GADL1: variants seen among roughly 807,000 people sequenced by gnomAD.
The protein encoded by GADL1 is acidic amino acid decarboxylase GADL1.
Under a neutral mutation model 69.5 loss-of-function variants are expected in GADL1, and 71 were observed. That is an observed-to-expected ratio of 1.02 (90% CI 0.84 to 1.25). GADL1 has a LOEUF of 1.25. Among genes scored for constraint, GADL1 ranks in the 50% most tolerant of loss-of-function variants. GADL1 has a pLI of 0.00. For synonymous variants in GADL1, 254 were observed against 214.4 expected, an observed-to-expected ratio of 1.18 and a Z score of -1.62; for missense variants, 737 against 631.8, an observed-to-expected ratio of 1.17 and a Z score of -1.79.
chr3:30,785,859 T>C (rs988989075), intron 13 of GADL1, among the ~76,000 whole-genome samples: 12 of 152,196 alleles, frequency 7.9e-5, no homozygotes, highest in African/African-American at 2.9e-4. Context: ...TAGAAAAAAA[T>C]ATTCTCTACA....
At chr3:30,839,717 T>C (rs12637266) in intron 8 of GADL1, among the ~76,000 whole-genome samples, 37,256 of 151,988 alleles carry the variant, frequency 0.25, 5,388 homozygotes, top group African/African-American at 0.41. Flanking sequence ...TCCATTGGCA[T>C]GTGCTGGAAA....
intron 1 of GADL1, among the ~76,000 whole-genome samples, chr3:30,873,324 A>G (rs888408013): frequency 7.2e-5 from 11 of 151,982 alleles, no homozygotes; most frequent in Non-Finnish European, 1.6e-4. Context: ...TAACTGCCTT[A>G]TGATGAAGAT....
At chr3:30,771,111 G>GGA (rs1696410662) in intron 14 of GADL1, among the ~76,000 whole-genome samples, 1 of 152,176 alleles carries the variant, frequency 6.6e-6, no homozygotes, top group Admixed American at 6.5e-5. Context: ...TAAATCCAGT[G>GGA]GAGTATATTT....
rs143124259 is a variant in GADL1, at chr3:30,808,476, C to T, written c.1051-7388G>A. On this transcript the variant is annotated intron_variant, in intron 11 of 14. Transcript: ENST00000282538. ...CAGCGTTACTGCACGCTGGCCTGGG[C>T]GACAGAGCAGGACTCTATCTCAAAA... Among the ~76,000 whole-genome samples, 54 of 142,824 alleles carry T rather than the reference C, an allele frequency of 3.8e-4. No homozygotes were observed. In the East Asian group the frequency reaches 6.4e-3, roughly 17 times the overall value. The allele number at this position is 142,824 out of a possible 152,430, so 93.7% of individuals were successfully genotyped here.
intron 14 of GADL1, among the ~76,000 whole-genome samples, chr3:30,754,778 A>G (rs1191882126): frequency 6.6e-6 from 1 of 152,208 alleles, no homozygotes; most frequent in Non-Finnish European, 1.5e-5. Flanking sequence ...TGGCAAATGT[A>G]GAAGATGTAA....
At chr3:30,777,633 G>A (rs997864483) in intron 14 of GADL1, among the ~76,000 whole-genome samples, 4 of 152,138 alleles carry the variant, frequency 2.6e-5, no homozygotes, top group East Asian at 1.9e-4. Context: ...CTCCTCACAC[G>A]GTATCATCAG....
At chr3:30,775,379 G>C (rs1696513408) in intron 14 of GADL1, among the ~76,000 whole-genome samples, 1 of 152,198 alleles carries the variant, frequency 6.6e-6, no homozygotes, top group Non-Finnish European at 1.5e-5. Context: ...TTTCAAGTGT[G>C]CTTTAAGTAC....
intron 14 of GADL1, among the ~76,000 whole-genome samples, chr3:30,756,114 G>T (rs901058887): frequency 1.3e-5 from 2 of 152,180 alleles, no homozygotes; most frequent in Non-Finnish European, 2.9e-5. Flanking sequence ...CAGCAGAGAT[G>T]AAATGACTCG....
At chr3:30,764,980 G>A (rs963503580) in intron 14 of GADL1, among the ~76,000 whole-genome samples, 1 of 152,210 alleles carries the variant, frequency 6.6e-6, no homozygotes, top group African/African-American at 2.4e-5. Context: ...AGGACAGATT[G>A]CAGGAAAAGT....
chr3:30,813,370 CA>C (rs1172235059), intron 11 of GADL1, among the ~76,000 whole-genome samples: 1 of 103,356 alleles, frequency 9.7e-6, no homozygotes, highest in African/African-American at 8.7e-5. Context: ...TGCATCTCTC[CA>C]AAATAGGCAG....
chr3:30,735,764 G>A (rs6777452), intron 14 of GADL1, among the ~76,000 whole-genome samples: 15,371 of 152,020 alleles, frequency 0.1, 876 homozygotes, highest in East Asian at 0.23. Flanking sequence ...TGCACTCTTG[G>A]GTGCAAAGGA....
At chr3:30,759,525 G>A (rs1696068588) in intron 14 of GADL1, among the ~76,000 whole-genome samples, 1 of 152,172 alleles carries the variant, frequency 6.6e-6, no homozygotes, top group Non-Finnish European at 1.5e-5. Flanking sequence ...CAAAGCATTT[G>A]CTGAATTGAA....
intron 11 of GADL1, among the ~76,000 whole-genome samples, chr3:30,812,491 A>T (rs976566191): frequency 1.3e-5 from 2 of 152,194 alleles, no homozygotes; most frequent in African/African-American, 4.8e-5. Flanking sequence ...TTCTAAAACC[A>T]TCAGATCTTG....
chr3:30,805,313 T>C (rs1199006257), intron 11 of GADL1, among the ~76,000 whole-genome samples: 2 of 152,184 alleles, frequency 1.3e-5, no homozygotes, highest in Non-Finnish European at 2.9e-5. Flanking sequence ...GCTAACCTAT[T>C]ATACTTTATT....
intron 14 of GADL1, among the ~76,000 whole-genome samples, chr3:30,761,886 A>AG (rs1696142716): frequency 6.6e-6 from 1 of 152,210 alleles, no homozygotes; most frequent in Non-Finnish European, 1.5e-5. Flanking sequence ...TGCATTTCAC[A>AG]GGATATATAA....
intron 1 of GADL1, among the ~76,000 whole-genome samples, chr3:30,878,458 T>C (rs191936010): frequency 2.6e-5 from 4 of 152,060 alleles, no homozygotes; most frequent in Non-Finnish European, 4.4e-5. Context: ...TTAACTGAAG[T>C]ATCTCTGTAA....
Position 30,778,193 on chromosome 3 carries a change from C to G in GADL1, c.1378G>C (p.Ala460Pro), listed in dbSNP as rs184767550. The G allele has an allele frequency of 3.7e-6, 6 of 1,604,958 alleles. No individual in the cohort carries two copies. In the African/African-American group the frequency reaches 8.0e-5, roughly 21 times the overall value. ...TTATTACTTACCAAATTAAGTTTTG[C>G]CCAGAACTCGGGTCCTTCTTCCATC... ...REMEEGPEFW[A>P]KLNLVAPAIK... Residue 460 changes from alanine (A) to proline (P), a missense_variant, in exon 14 of 15, where the codon GCA becomes CCA. Ala to Pro is a conservative substitution (Grantham distance 27). Transcript: ENST00000282538.
chr3:30,875,037 C>A (rs1698558392), intron 1 of GADL1, among the ~76,000 whole-genome samples: 1 of 151,592 alleles, frequency 6.6e-6, no homozygotes, highest in Non-Finnish European at 1.5e-5. Flanking sequence ...TCTATGTAGG[C>A]TTTTATTATC....
intron 1 of GADL1, among the ~76,000 whole-genome samples, chr3:30,887,610 T>C (rs1042159987): frequency 4.6e-5 from 7 of 152,088 alleles, no homozygotes; most frequent in African/African-American, 1.7e-4. Flanking sequence ...GTTCCTATTT[T>C]TTTTATGAAT....
Sources: gnomAD v4.1 joint callset for allele counts (sites outside exome capture counted in the v4.1 genomes callset) on GRCh38, gnomAD v4.1.1 for gene constraint, MANE v1.5 for transcripts, NCBI Gene and HGNC (gene_info 2026-07-23, HGNC 2026-07-21) for gene names.